Variants in HECW2 observed in about 807,000 individuals in gnomAD.
The protein encoded by HECW2 is HECT, C2 and WW domain containing E3 ubiquitin protein ligase 2.
HECW2 carries 61 observed loss-of-function variants against 175.2 expected under a neutral mutation model. That is an observed-to-expected ratio of 0.35 (90% CI 0.28 to 0.43). HECW2 has a LOEUF of 0.43. Ranked by LOEUF, HECW2 falls within the 20% of genes least tolerant of loss-of-function variation. HECW2 has a pLI of 1.00. For synonymous variants in HECW2, 671 were observed against 731.0 expected (o/e 0.92, Z 1.32); for missense variants, 1,524 against 2,000.5 (o/e 0.76, Z 4.54).
chr2:196,396,988 C>G (rs1694685100), intron 2 of HECW2, among the ~76,000 whole-genome samples: 1 of 152,082 alleles, frequency 6.6e-6, no homozygotes. Flanking sequence ...TGGCGGGCAC[C>G]TGTAGTCCCA....
At chr2:196,294,069 A>T (rs1291565366) in intron 13 of HECW2, among the ~76,000 whole-genome samples, 1 of 152,112 alleles carries the variant, frequency 6.6e-6, no homozygotes, top group Non-Finnish European at 1.5e-5. Flanking sequence ...GGTTGGATGT[A>T]TATGAATGAA....
rs867315405 is a variant in HECW2 at position 196,429,391 on chromosome 2, T to A, written c.292+3741A>T. ...CCCTCTTTCCTGCTAGGGATAGAAATCTATTAGAAAATACAGTAAGAAGTG... is the reference window on the plus strand; with the variant it reads ...CCCTCTTTCCTGCTAGGGATAGAAAACTATTAGAAAATACAGTAAGAAGTG... On this transcript the variant is annotated intron_variant, in intron 2 of 28. Transcript: ENST00000644978. Among the ~76,000 whole-genome samples, 5 of 152,276 alleles carry A rather than the reference T, an allele frequency of 3.3e-5. No individual in the cohort carries two copies. The Middle Eastern group carries it at 0.014, about 414-fold the overall frequency.
intron 19 of HECW2, among the ~76,000 whole-genome samples, chr2:196,248,651 TAG>T (rs1041853478): frequency 8.2e-6 from 1 of 121,940 alleles, no homozygotes; most frequent in African/African-American, 3.2e-5. Flanking sequence ...CAGAGAGGAA[TAG>T]AGAGGGAGGA....
chr2:196,233,277 A>G (rs1024090315), intron 21 of HECW2, among the ~76,000 whole-genome samples: 2 of 152,154 alleles, frequency 1.3e-5, no homozygotes, highest in Non-Finnish European at 2.9e-5. Flanking sequence ...ATAAGCACAG[A>G]TGTCTCCAGG....
intron 21 of HECW2, chr2:196,239,848 G>A (rs13006360): frequency 0.6 from 91,326 of 152,070 alleles, 27,928 homozygotes; most frequent in Non-Finnish European, 0.66. Flanking sequence ...CCCTTATCTT[G>A]ACGAGCACAC....
chr2:196,552,686 C>T (rs1222030814), intron 1 of HECW2, among the ~76,000 whole-genome samples: 1 of 152,196 alleles, frequency 6.6e-6, no homozygotes, highest in Non-Finnish European at 1.5e-5. Flanking sequence ...TGTCTTACCT[C>T]CTCTTCCTGA....
Position 196,483,893 on chromosome 2 carries a change from G to A in HECW2, c.-35-50435C>T, listed in dbSNP as rs1209074167. Among the ~76,000 whole-genome samples, 7 of 152,026 alleles carry A rather than the reference G, an allele frequency of 4.6e-5. No homozygotes were observed. In the South Asian group the frequency reaches 1.0e-3, roughly 23 times the overall value. On this transcript the variant is annotated intron_variant, in intron 1 of 28. Coordinates refer to ENST00000644978, the MANE Select transcript of HECW2 (RefSeq NM_001348768.2). ...GAAAGGTTTTTGAATCTTTTGAGGG[G>A]GAAAAAACATGACATTAATGAGACC...
intron 10 of HECW2, among the ~76,000 whole-genome samples, chr2:196,311,685 T>C (rs1436199352): frequency 6.6e-6 from 1 of 152,084 alleles, no homozygotes. Flanking sequence ...TAATCCCAGC[T>C]ACTCAGGAGG....
intron 1 of HECW2, among the ~76,000 whole-genome samples, chr2:196,562,119 G>C (rs1472538159): frequency 6.6e-6 from 1 of 152,202 alleles, no homozygotes; most frequent in Non-Finnish European, 1.5e-5. Flanking sequence ...CCTAAATAAT[G>C]ATACGCTGAA....
At chr2:196,395,152 G>T (rs1312098953) in intron 2 of HECW2, among the ~76,000 whole-genome samples, 1 of 152,136 alleles carries the variant, frequency 6.6e-6, no homozygotes, top group Non-Finnish European at 1.5e-5. Context: ...ATTTTGGGAA[G>T]AAACAAAGAT....
At chr2:196,276,207 A>T (rs1689950249) in intron 15 of HECW2, among the ~76,000 whole-genome samples, 1 of 152,164 alleles carries the variant, frequency 6.6e-6, no homozygotes, top group Non-Finnish European at 1.5e-5. Context: ...GCACTTCAGG[A>T]TGTGCATGCT....
At chr2:196,465,173 T>C (rs575211486) in intron 1 of HECW2, among the ~76,000 whole-genome samples, 71 of 152,340 alleles carry the variant, frequency 4.7e-4, no homozygotes, top group African/African-American at 1.7e-3. Flanking sequence ...ATTTTATTTC[T>C]AACAAATTAA....
At chr2:196,514,965 C>T (rs1448875329) in intron 1 of HECW2, among the ~76,000 whole-genome samples, 1 of 152,168 alleles carries the variant, frequency 6.6e-6, no homozygotes, top group Non-Finnish European at 1.5e-5. Context: ...ATTACAGGTC[C>T]AGAAGGAGAG....
chr2:196,263,139 C>T (rs964838423), intron 17 of HECW2: 1 of 151,904 alleles, frequency 6.6e-6, no homozygotes, highest in Non-Finnish European at 1.5e-5. Context: ...GGTAAAAAGG[C>T]AATCTCTTAA....
chr2:196,339,434 G>T (rs542038107), intron 3 of HECW2, among the ~76,000 whole-genome samples: 2 of 152,292 alleles, frequency 1.3e-5, no homozygotes, highest in East Asian at 3.9e-4. Context: ...AAATATCAGT[G>T]TTTTGTCATA....
At chr2:196,518,465 G>A (rs1213022636) in intron 1 of HECW2, among the ~76,000 whole-genome samples, 1 of 151,830 alleles carries the variant, frequency 6.6e-6, no homozygotes, top group African/African-American at 2.4e-5. Flanking sequence ...AGACCAGCCT[G>A]GTCAACATCA....
At chr2:196,308,221 A>G (rs1428742577) in intron 10 of HECW2, 136 bp from the exon 11 acceptor site, 5 of 544,866 alleles carry the variant, frequency 9.2e-6, no homozygotes, top group African/African-American at 7.5e-5. Context: ...TCACTGCACT[A>G]TCCCATACTT....
At chr2:196,405,858 C>T (rs567974550) in intron 2 of HECW2, among the ~76,000 whole-genome samples, 3 of 152,210 alleles carry the variant, frequency 2.0e-5, no homozygotes, top group Admixed American at 6.5e-5. Context: ...AACTTCTACC[C>T]CCACCAATCC....
intron 15 of HECW2, among the ~76,000 whole-genome samples, chr2:196,277,661 A>G (rs1690009062): frequency 6.6e-6 from 1 of 152,142 alleles, no homozygotes; most frequent in Non-Finnish European, 1.5e-5. Context: ...ATGCTGCTAT[A>G]AAGACACATG....
Sources: allele counts gnomAD v4.1 joint callset (sites outside exome capture counted in the v4.1 genomes callset), GRCh38; gene constraint gnomAD v4.1.1; transcripts MANE v1.5; gene names NCBI Gene and HGNC (gene_info 2026-07-23, HGNC 2026-07-21).